The following CFAP58 variants were observed in gnomAD, a reference collection of about 807,000 sequenced individuals.
The protein encoded by CFAP58 is cilia and flagella associated protein 58.
CFAP58 carries 88 observed loss-of-function variants against 119.5 expected under a neutral mutation model. The observed-to-expected ratio is 0.74, with a 90% CI of 0.62 to 0.88. The LOEUF (loss-of-function observed/expected upper bound fraction) is 0.88. Among genes scored for constraint, CFAP58 ranks in the 40% least tolerant of loss-of-function variants. CFAP58 has a pLI of 0.00. For synonymous variants in CFAP58, 365 were observed against 366.3 expected (o/e 1.00, Z 0.04); for missense variants, 990 against 1,021.2 (o/e 0.97, Z 0.42).
intron 1 of CFAP58, among the ~76,000 whole-genome samples, chr10:104,357,171 C>A (rs184808735): frequency 6.6e-6 from 1 of 152,078 alleles, no homozygotes; most frequent in Non-Finnish European, 1.5e-5. Context: ...ATAAGAATCC[C>A]GATATAACTC....
intron 8 of CFAP58, 101 bp downstream of exon 8, chr10:104,376,994 C>A: frequency 2.4e-6 from 2 of 830,832 alleles, no homozygotes; most frequent in Non-Finnish European, 3.9e-6. Flanking sequence ...CCGAGGCAAA[C>A]AAAAGTGGAT....
chr10:104,357,761 GTGTA>G (rs1198310037), intron 1 of CFAP58, among the ~76,000 whole-genome samples: 2 of 150,898 alleles, frequency 1.3e-5, no homozygotes, highest in East Asian at 2.0e-4. Context: ...AATGTATAAT[GTGTA>G]TGTGTGTATA....
At chr10:104,442,624 T>C (rs1004360262) in intron 15 of CFAP58, among the ~76,000 whole-genome samples, 46 of 152,180 alleles carry the variant, frequency 3.0e-4, no homozygotes, top group Admixed American at 8.5e-4. Context: ...TACATTTTTA[T>C]ATTTATGTGT....
chr10:104,358,086 C>CACACATGTATATGTACATATAT (rs1564876562), intron 1 of CFAP58, among the ~76,000 whole-genome samples: 17 of 136,946 alleles, frequency 1.2e-4, no homozygotes, highest in African/African-American at 5.1e-4. Context: ...CATATATATA[C>CACACATGTATATGTACATATAT]ACACATATAT....
chr10:104,422,714 A>G (rs2012681321), intron 15 of CFAP58, among the ~76,000 whole-genome samples: 1 of 152,218 alleles, frequency 6.6e-6, no homozygotes, highest in Non-Finnish European at 1.5e-5. Flanking sequence ...TAACAGCCTT[A>G]GAGTCTCCAA....
chr10:104,428,630 A>G (rs1033866449), intron 15 of CFAP58, among the ~76,000 whole-genome samples: 2 of 152,156 alleles, frequency 1.3e-5, no homozygotes, highest in Admixed American at 6.5e-5. Context: ...CAAGCCCAGG[A>G]AAGAGAGACA....
At chr10:104,362,455 T>C (rs1457038557) in intron 3 of CFAP58, among the ~76,000 whole-genome samples, 1 of 152,208 alleles carries the variant, frequency 6.6e-6, no homozygotes, top group Non-Finnish European at 1.5e-5. Flanking sequence ...GCAATTTGTG[T>C]AGAATATAAC....
chr10:104,409,434 G>C (rs1056840068), intron 15 of CFAP58, among the ~76,000 whole-genome samples: 1 of 152,004 alleles, frequency 6.6e-6, no homozygotes, highest in Non-Finnish European at 1.5e-5. Flanking sequence ...TATACCTGAC[G>C]CCTGCTGTTT....
intron 7 of CFAP58, among the ~76,000 whole-genome samples, chr10:104,372,047 G>A (rs2014830226): frequency 6.6e-6 from 1 of 152,122 alleles, no homozygotes; most frequent in Non-Finnish European, 1.5e-5. Context: ...TCACTAGTGA[G>A]ACTCTGTCTT....
the CFAP58 span, among the ~76,000 whole-genome samples, chr10:104,341,692 A>C: frequency 4.7e-4 from 71 of 151,898 alleles, no homozygotes; most frequent in Non-Finnish European, 8.7e-4. Flanking sequence ...ATTTAAAATA[A>C]TATATTAACA....
chr10:104,392,991 C>G (rs1053873547), intron 10 of CFAP58, among the ~76,000 whole-genome samples: 3 of 152,198 alleles, frequency 2.0e-5, no homozygotes, highest in African/African-American at 4.8e-5. Context: ...CAGAGGGCAG[C>G]AGCATACTCT....
At chr10:104,429,628 C>G (rs1463426601) in intron 15 of CFAP58, among the ~76,000 whole-genome samples, 1 of 152,184 alleles carries the variant, frequency 6.6e-6, no homozygotes, top group South Asian at 2.1e-4. Context: ...TACTGTGGCT[C>G]TCTGATGTGT....
At chr10:104,382,412 C>T (rs1381299116) in intron 9 of CFAP58, 10 of 504,922 alleles carry the variant, frequency 2.0e-5, no homozygotes, top group South Asian at 1.4e-4. Flanking sequence ...CTCTCCATTC[C>T]GAGGTGCCAT....
chr10:104,401,452 G>A (rs542487192), intron 13 of CFAP58, among the ~76,000 whole-genome samples: 1 of 152,300 alleles, frequency 6.6e-6, no homozygotes, highest in East Asian at 1.9e-4. Flanking sequence ...CTTTAGCTTA[G>A]TGCGCCTTCT....
intron 15 of CFAP58, among the ~76,000 whole-genome samples, chr10:104,420,944 G>T (rs1225425027): frequency 1.3e-5 from 2 of 151,886 alleles, no homozygotes; most frequent in East Asian, 1.9e-4. Flanking sequence ...GTAGAGATGG[G>T]TTTTTGCTAT....
At chr10:104,368,266 G>A (rs375292858) in intron 5 of CFAP58, among the ~76,000 whole-genome samples, 157 bp from the exon 6 acceptor site, 4 of 152,216 alleles carry the variant, frequency 2.6e-5, no homozygotes, top group Admixed American at 6.5e-5. Flanking sequence ...ATTTGAGTGC[G>A]TTAGTGCTTT....
intron 15 of CFAP58, among the ~76,000 whole-genome samples, chr10:104,409,210 T>C (rs2012418883): frequency 6.6e-6 from 1 of 152,232 alleles, no homozygotes; most frequent in South Asian, 2.1e-4. Context: ...ACAGTAAGTC[T>C]TAATAAATAT....
intron 15 of CFAP58, among the ~76,000 whole-genome samples, chr10:104,446,120 C>T (rs887650486): frequency 6.6e-6 from 1 of 152,176 alleles, no homozygotes; most frequent in African/African-American, 2.4e-5. Flanking sequence ...GTGTTATTTT[C>T]CCAACAGAGT....
At chr10:104,376,689 G>A (rs1191205396) in intron 7 of CFAP58, 122 bp from the exon 8 acceptor site, 3 of 670,986 alleles carry the variant, frequency 4.5e-6, no homozygotes, top group South Asian at 3.6e-5. Context: ...CATACACTTG[G>A]TTAATAGTAG....
Sources: allele counts gnomAD v4.1 joint callset (sites outside exome capture counted in the v4.1 genomes callset), GRCh38; gene constraint gnomAD v4.1.1; transcripts MANE v1.5; gene names NCBI Gene and HGNC (gene_info 2026-07-23, HGNC 2026-07-21).